Variants in CELF4 observed in about 807,000 individuals in gnomAD.
The protein encoded by CELF4 is CUGBP Elav-like family member 4.
Under a neutral mutation model 59.9 loss-of-function variants are expected in CELF4, and 18 were observed. That is an observed-to-expected ratio of 0.30 (90% CI 0.21 to 0.45). CELF4 has a LOEUF of 0.45. Ranked by LOEUF, CELF4 falls within the 20% of genes least tolerant of loss-of-function variation. The pLI is 1.00. For missense variants in CELF4, 456 were observed against 689.0 expected, an observed-to-expected ratio of 0.66 and a Z score of 3.79; for synonymous variants, 261 against 267.1, an observed-to-expected ratio of 0.98 and a Z score of 0.22.
chr18:37,461,524 C>A (rs566342850), intron 2 of CELF4, among the ~76,000 whole-genome samples: 1 of 152,314 alleles, frequency 6.6e-6, no homozygotes, highest in South Asian at 2.1e-4. Flanking sequence ...TAAATTACCT[C>A]CCACCAGGTC....
chr18:37,302,438 A>G (rs538440881), intron 3 of CELF4, among the ~76,000 whole-genome samples: 68 of 152,322 alleles, frequency 4.5e-4, no homozygotes, highest in African/African-American at 1.5e-3. Context: ...TATCGCCCCC[A>G]ACATCAGCCA....
chr18:37,316,441 A>C (rs2096872594), intron 3 of CELF4, among the ~76,000 whole-genome samples: 2 of 151,714 alleles, frequency 1.3e-5, no homozygotes, highest in Non-Finnish European at 2.9e-5. Flanking sequence ...CTTAATTGGA[A>C]CCCCAGATCC....
intron 2 of CELF4, among the ~76,000 whole-genome samples, chr18:37,485,260 G>GGGACCCGGGACGCGCCGCTCCCC (rs1202015817): frequency 1.3e-5 from 2 of 151,830 alleles, no homozygotes; most frequent in South Asian, 2.1e-4. Context: ...TCCCGCTCCG[G>GGGACCCGGGACGCGCCGCTCCCC]GGACCCGGGA....
intron 8 of CELF4, among the ~76,000 whole-genome samples, chr18:37,268,873 T>G (rs889451535): frequency 2.0e-5 from 3 of 152,216 alleles, no homozygotes; most frequent in African/African-American, 4.8e-5. Flanking sequence ...ATGTACTACT[T>G]TTTTCCTTTC....
In CELF4 at chr18:37,550,797, C is replaced by A. The variant is rs535830943; in HGVS notation, c.286+14559G>T. Among the ~76,000 whole-genome samples the A allele has an allele frequency of 5.3e-5, 8 of 152,332 alleles. No individual in the cohort carries two copies. In the East Asian group the frequency reaches 1.5e-3, roughly 29 times the overall value. On this transcript the variant is annotated intron_variant, in intron 1 of 12. Transcript: ENST00000420428. ...CTCACGCTGGCTCCCTCTGGCCTGGCCTGTGCCAGAAAATTCCCCCCGATT... is the reference window on the plus strand; with the variant it reads ...CTCACGCTGGCTCCCTCTGGCCTGGACTGTGCCAGAAAATTCCCCCCGATT...
chr18:37,390,135 A>G (rs963851239), intron 2 of CELF4, among the ~76,000 whole-genome samples: 2 of 152,156 alleles, frequency 1.3e-5, no homozygotes, highest in African/African-American at 4.8e-5. Context: ...CACCTTGTCC[A>G]CGCCCCCTCC....
intron 2 of CELF4, among the ~76,000 whole-genome samples, chr18:37,438,243 T>C (rs925630959): frequency 3.3e-5 from 5 of 152,184 alleles, no homozygotes; most frequent in Non-Finnish European, 7.3e-5. Flanking sequence ...GGTCAAGTGA[T>C]TGACTGTCAG....
rs1458618411 is a variant in CELF4, at chr18:37,340,037, C to A, written c.370-18156G>T. Among the ~76,000 whole-genome samples, 3 of 152,344 alleles carry A rather than the reference C, an allele frequency of 2.0e-5. No homozygotes were observed. The East Asian group carries it at 5.8e-4, about 30-fold the overall frequency. On this transcript the variant is annotated intron_variant, in intron 2 of 12. Transcript: ENST00000420428. ...CACGGCTGCGTTAAGCCCTTTCCTC[C>A]TTAACAGCCTCAGCAGCTTCCATTG... is the stretch of plus-strand genomic sequence containing the variant.
chr18:37,552,958 G>A (rs550822764), intron 1 of CELF4, among the ~76,000 whole-genome samples: 3 of 152,196 alleles, frequency 2.0e-5, no homozygotes, highest in Admixed American at 6.5e-5. Context: ...GCTCAACAAC[G>A]TGCTTTTCTC....
intron 7 of CELF4, among the ~76,000 whole-genome samples, 172 bp downstream of exon 7, chr18:37,272,844 C>T (rs2091948279): frequency 6.6e-6 from 1 of 152,212 alleles, no homozygotes; most frequent in Non-Finnish European, 1.5e-5. Context: ...CCCTTGGATC[C>T]CCATGGATTA....
chr18:37,287,016 C>A (rs776562696), intron 3 of CELF4, among the ~76,000 whole-genome samples: 1 of 152,122 alleles, frequency 6.6e-6, no homozygotes, highest in Admixed American at 6.6e-5. Context: ...TCAGGACAGC[C>A]CTTCAGGGAT....
chr18:37,329,486 G>A (rs1018491536), intron 2 of CELF4, among the ~76,000 whole-genome samples: 1 of 152,242 alleles, frequency 6.6e-6, no homozygotes, highest in African/African-American at 2.4e-5. Context: ...TGCCTGGGAC[G>A]TGCTAGGTAT....
chr18:37,274,733 G>T, intron 5 of CELF4, 72 bp downstream of exon 5: 4 of 1,505,180 alleles, frequency 2.7e-6, no homozygotes, highest in Non-Finnish European at 3.5e-6. Flanking sequence ...TGGACAGCCG[G>T]CGGGGCGTGG....
chr18:37,352,981 G>A (rs1414529883), intron 2 of CELF4, among the ~76,000 whole-genome samples: 3 of 152,074 alleles, frequency 2.0e-5, no homozygotes, highest in Non-Finnish European at 4.4e-5. Context: ...CAGCACTTTG[G>A]GAGGCCAAGG....
intron 2 of CELF4, among the ~76,000 whole-genome samples, chr18:37,353,182 C>A (rs935469116): frequency 1.4e-5 from 2 of 143,500 alleles, no homozygotes; most frequent in Non-Finnish European, 3.0e-5. Flanking sequence ...GATTGCGCCA[C>A]TGCACTCCAG....
intron 9 of CELF4, chr18:37,266,207 G>A (rs1192883710): frequency 4.1e-6 from 2 of 483,076 alleles, no homozygotes; most frequent in Non-Finnish European, 7.6e-6. Flanking sequence ...GTCAGACCTG[G>A]TGCTCCTGGG....
At chr18:37,500,610 T>C (rs2099930604) in intron 1 of CELF4, among the ~76,000 whole-genome samples, 1 of 151,050 alleles carries the variant, frequency 6.6e-6, no homozygotes, top group Non-Finnish European at 1.5e-5. Context: ...CTGGGCTCAC[T>C]GCAAGCTCCG....
At chr18:37,437,671 A>G (rs1181496158) in intron 2 of CELF4, among the ~76,000 whole-genome samples, 1 of 152,196 alleles carries the variant, frequency 6.6e-6, no homozygotes, top group African/African-American at 2.4e-5. Flanking sequence ...ACATCCAGGC[A>G]GGTGGGCAGA....
intron 2 of CELF4, among the ~76,000 whole-genome samples, chr18:37,468,024 C>A (rs1300444175): frequency 1.3e-5 from 2 of 152,188 alleles, no homozygotes; most frequent in East Asian, 3.9e-4. Flanking sequence ...GCAGCTGCAT[C>A]TGTATGTGCG....
Sources: allele counts gnomAD v4.1 joint callset (sites outside exome capture counted in the v4.1 genomes callset), GRCh38; gene constraint gnomAD v4.1.1; transcripts MANE v1.5; gene names NCBI Gene and HGNC (gene_info 2026-07-23, HGNC 2026-07-21).